TRIQK: variants seen among roughly 807,000 people sequenced by gnomAD.
The protein encoded by TRIQK is triple QxxK/R motif containing.
In TRIQK, 10 loss-of-function variants were observed where a neutral mutation model predicts 10.8. That is an observed-to-expected ratio of 0.92 (90% confidence interval 0.57 to 1.57). The LOEUF (loss-of-function observed/expected upper bound fraction) is 1.57, where lower values mean the gene tolerates loss of function less well. Ranked by LOEUF, TRIQK falls within the 40% of genes most tolerant of loss-of-function variation. TRIQK has a pLI of 0.00. For synonymous variants in TRIQK, 33 were observed against 33.7 expected (o/e 0.98, Z 0.07); for missense variants, 107 against 97.7 (o/e 1.09, Z -0.40).
At chr8:92,975,157 A>G (rs1812918486) in intron 1 of TRIQK, among the ~76,000 whole-genome samples, 1 of 152,178 alleles carries the variant, frequency 6.6e-6, no homozygotes, top group South Asian at 2.1e-4. Context: ...CCCAGTTTCC[A>G]CAGGCTGGAG....
chr8:92,985,220 C>CTGTG (rs34545263), intron 1 of TRIQK, among the ~76,000 whole-genome samples: 12 of 151,220 alleles, frequency 7.9e-5, no homozygotes, highest in Non-Finnish European at 1.6e-4. Context: ...GTGAGATTAT[C>CTGTG]TGTGTGTGTG....
chr8:92,988,326 T>C (rs1336511187), intron 1 of TRIQK, among the ~76,000 whole-genome samples: 1 of 152,118 alleles, frequency 6.6e-6, no homozygotes, highest in Non-Finnish European at 1.5e-5. Context: ...TATACTTTCT[T>C]AAATTATTAT....
intron 1 of TRIQK, among the ~76,000 whole-genome samples, chr8:92,993,232 T>C (rs1813116111): frequency 6.6e-6 from 1 of 152,208 alleles, no homozygotes; most frequent in Non-Finnish European, 1.5e-5. Flanking sequence ...TACTTTGTTT[T>C]CTTTCCCTTG....
chr8:92,997,655 C>A (rs548850728), intron 1 of TRIQK, among the ~76,000 whole-genome samples: 69 of 152,080 alleles, frequency 4.5e-4, no homozygotes, highest in Non-Finnish European at 8.8e-4. Flanking sequence ...CTGAAAAAGG[C>A]ACTAGCACCT....
chr8:92,932,351 T>G (rs1195925920), intron 2 of TRIQK, among the ~76,000 whole-genome samples: 1 of 152,170 alleles, frequency 6.6e-6, no homozygotes, highest in African/African-American at 2.4e-5. Flanking sequence ...ATTTTTCCTT[T>G]AACTAGCAAG....
At chr8:92,913,772 T>C (rs1008260621) in intron 3 of TRIQK, among the ~76,000 whole-genome samples, 2 of 152,126 alleles carry the variant, frequency 1.3e-5, no homozygotes, top group African/African-American at 4.8e-5. Context: ...ATATACACCA[T>C]GGAATACTAT....
intron 2 of TRIQK, among the ~76,000 whole-genome samples, chr8:92,925,877 A>G (rs1400969512): frequency 1.3e-5 from 2 of 152,188 alleles, no homozygotes. Context: ...GTATATGGTT[A>G]CAAAAATACT....
chr8:93,008,967 A>G (rs1290290297), intron 1 of TRIQK, among the ~76,000 whole-genome samples: 2 of 152,202 alleles, frequency 1.3e-5, no homozygotes, highest in African/African-American at 4.8e-5. Context: ...AAATAGACAA[A>G]TAAGATTACA....
chr8:92,909,015 C>G (rs13254195), intron 3 of TRIQK, among the ~76,000 whole-genome samples: 65,751 of 151,500 alleles, frequency 0.43, 15,205 homozygotes, highest in Admixed American at 0.59. Context: ...CACAATTTGT[C>G]ATATAAAGTA....
intron 3 of TRIQK, among the ~76,000 whole-genome samples, chr8:92,909,899 G>A (rs893416613): frequency 6.6e-6 from 1 of 151,372 alleles, no homozygotes; most frequent in Non-Finnish European, 1.5e-5. Context: ...ACAACAAAAA[G>A]AATAACAGGG....
chr8:93,012,582 A>C (rs1305272838), intron 1 of TRIQK, among the ~76,000 whole-genome samples: 1 of 151,978 alleles, frequency 6.6e-6, no homozygotes, highest in Non-Finnish European at 1.5e-5. Context: ...TTTTTTCTTT[A>C]ATTTTAAAGC....
intron 2 of TRIQK, among the ~76,000 whole-genome samples, chr8:92,929,856 T>G (rs545028501): frequency 3.1e-4 from 47 of 152,306 alleles, no homozygotes; most frequent in African/African-American, 1.1e-3. Context: ...GGATTATATT[T>G]GTAAAAGAAG....
At chr8:92,960,412 AT>A (rs1812399738) in intron 1 of TRIQK, 1 of 152,286 alleles carries the variant, frequency 6.6e-6, no homozygotes, top group Admixed American at 6.5e-5. Flanking sequence ...TCAAATATAG[AT>A]TTTTAATGCT....
rs980418552 is a variant in TRIQK, at chr8:92,919,868, T to A, written c.-21-2858A>T. The stretch of plus-strand genomic sequence containing the variant: ...TCTTGTCATGTTTAATCTTGATAGG[T>A]TTTATATGCCCAGGAATGTATTCTT... On this transcript the variant is annotated intron_variant, in intron 2 of 4. Transcript: ENST00000521988. 1.9e-4 allele frequency among the ~76,000 whole-genome samples: 29 copies of A among 151,856 alleles called. 1 individual carries two copies. The South Asian group carries it at 4.4e-3, about 23-fold the overall frequency.
At chr8:92,937,016 A>T (rs1346505846) in intron 2 of TRIQK, among the ~76,000 whole-genome samples, 2 of 151,824 alleles carry the variant, frequency 1.3e-5, no homozygotes. Context: ...AAAATTAAAG[A>T]TTATGTACCT....
At chr8:93,000,322 C>A (rs1184115167) in intron 1 of TRIQK, among the ~76,000 whole-genome samples, 1 of 152,266 alleles carries the variant, frequency 6.6e-6, no homozygotes, top group African/African-American at 2.4e-5. Flanking sequence ...AATGGACTCA[C>A]AGTTCTACAT....
In TRIQK at chr8:92,884,782, G is replaced by A. The variant is rs1160772422; in HGVS notation, c.*1840C>T. The A allele has an allele frequency of 2.2e-6, 1 of 451,008 alleles. No individual in the cohort carries two copies. Among genetic ancestry groups the A allele is most frequent in the Non-Finnish European group, 4.4e-6 (1 of 224,804 alleles). 27.9% of individuals were successfully genotyped at this position (451,008 alleles called of 1,614,324 possible). On this transcript the variant is annotated 3_prime_UTR_variant, in exon 5 of 5. Transcript: ENST00000521988. ...GAAATAATCTTTATTTAATACGACT[G>A]TTTTAACACCATATGGAACGGGAAA...
chr8:93,003,884 A>T (rs888251742), intron 1 of TRIQK, among the ~76,000 whole-genome samples: 10 of 152,226 alleles, frequency 6.6e-5, no homozygotes, highest in Admixed American at 3.3e-4. Context: ...CTCTGACTGT[A>T]TGTCTCACAT....
At chr8:92,986,515 G>A (rs1454844731) in intron 1 of TRIQK, among the ~76,000 whole-genome samples, 2 of 152,084 alleles carry the variant, frequency 1.3e-5, no homozygotes. Context: ...AATTTACCAT[G>A]AGAATTTTAC....
Sources: allele counts gnomAD v4.1 joint callset (sites outside exome capture counted in the v4.1 genomes callset), GRCh38; gene constraint gnomAD v4.1.1; transcripts MANE v1.5; gene names NCBI Gene and HGNC (gene_info 2026-07-23, HGNC 2026-07-21).